Variants in CSMD1 observed in about 807,000 individuals in gnomAD.
CSMD1 encodes CUB and Sushi multiple domains 1.
A neutral mutation model predicts 417.5 loss-of-function variants in CSMD1; 213 were observed. The observed-to-expected ratio is 0.51, with a 90% CI of 0.46 to 0.57. The LOEUF is 0.57. CSMD1 is among the 20% of genes least tolerant of loss of function. CSMD1 has a pLI of 0.00. For synonymous variants in CSMD1, 2,862 were observed against 1,736.8 expected (o/e 1.65, Z -16.11); for missense variants, 6,923 against 4,529.7 (o/e 1.53, Z -15.17).
intron 66 of CSMD1, among the ~76,000 whole-genome samples, 158 bp downstream of exon 66, chr8:2,950,956 C>T (rs1047689174): frequency 4.6e-5 from 7 of 152,286 alleles, no homozygotes; most frequent in South Asian, 4.1e-4. Flanking sequence ...ATAATACCAA[C>T]CTCTCACGGC....
chr8:4,952,158 A>T (rs886952272), intron 1 of CSMD1, among the ~76,000 whole-genome samples: 4 of 151,984 alleles, frequency 2.6e-5, no homozygotes, highest in African/African-American at 9.7e-5. Context: ...TCTTAAAATT[A>T]TCACACACAC....
rs550871443 is a variant in CSMD1, at chr8:3,070,206, C to T, written c.7474+16891G>A. 3.3e-5 allele frequency among the ~76,000 whole-genome samples: 5 copies of T among 152,320 alleles called. 1 individual carries two copies. The South Asian group carries it at 1.0e-3, about 32-fold the overall frequency. Reference sequence around the variant, plus strand: ...CTCTGAAATACCTTCAAGGCCTTTTCCCCATTGTTTTGGAATATTAGCACT... The same window carrying T: ...CTCTGAAATACCTTCAAGGCCTTTTTCCCATTGTTTTGGAATATTAGCACT... On this transcript the variant is annotated intron_variant, in intron 49 of 69. Coordinates refer to ENST00000635120, the MANE Select transcript of CSMD1 (RefSeq NM_033225.6).
intron 23 of CSMD1, among the ~76,000 whole-genome samples, chr8:3,331,088 A>AT (rs1806862183): frequency 6.6e-6 from 1 of 152,050 alleles, no homozygotes; most frequent in Admixed American, 6.5e-5. Context: ...AATACAAAAA[A>AT]TTAGCCTGGC....
intron 4 of CSMD1, among the ~76,000 whole-genome samples, chr8:4,008,289 C>T (rs925215844): frequency 1.3e-5 from 2 of 151,978 alleles, no homozygotes; most frequent in South Asian, 2.1e-4. Flanking sequence ...ATTATTAAAA[C>T]AAATATAGTT....
intron 4 of CSMD1, among the ~76,000 whole-genome samples, chr8:4,022,541 G>A (rs1233005456): frequency 1.3e-5 from 2 of 152,200 alleles, no homozygotes; most frequent in African/African-American, 4.8e-5. Context: ...TGAGGCACAA[G>A]AAGGTGTCAT....
chr8:3,038,341 C>G (rs901093989), intron 50 of CSMD1, among the ~76,000 whole-genome samples: 1 of 152,182 alleles, frequency 6.6e-6, no homozygotes, highest in Non-Finnish European at 1.5e-5. Context: ...TAAAATGAGT[C>G]TAATCCAACC....
chr8:3,901,016 T>C (rs1157248775), intron 5 of CSMD1, among the ~76,000 whole-genome samples: 1 of 152,208 alleles, frequency 6.6e-6, no homozygotes, highest in East Asian at 1.9e-4. Context: ...AGTGTTATCA[T>C]TATTGACATT....
Position 3,367,137 on chromosome 8 carries a change from A to G in CSMD1, c.3010T>C (p.Leu1004=), listed in dbSNP as rs760269295. The G allele has an allele frequency of 8.1e-6, 13 of 1,613,786 alleles. No homozygotes were observed. The East Asian group carries it at 8.9e-5, about 11-fold the overall frequency. The change falls in exon 20 of 70, where the codon TTG becomes CTG. Residue 1004 remains leucine (L), a synonymous_variant. Coordinates refer to ENST00000635120, the MANE Select transcript of CSMD1 (RefSeq NM_033225.6). ...AGGCCTGCCTTGATCGTATGAGGCA[A>G]CACCGACCCGGTGAGCCTGGCAACG... ...EPVARLTGSV[L]PHTIKAGLFG...
intron 1 of CSMD1, among the ~76,000 whole-genome samples, chr8:4,890,722 C>T (rs932259131): frequency 6.6e-6 from 1 of 151,718 alleles, no homozygotes; most frequent in Non-Finnish European, 1.5e-5. Flanking sequence ...TAGGTCGCTG[C>T]AAAAGTAATT....
intron 50 of CSMD1, among the ~76,000 whole-genome samples, chr8:3,050,105 T>TA (rs11402129): frequency 0.27 from 38,539 of 140,388 alleles, 5,185 homozygotes; most frequent in East Asian, 0.44. Flanking sequence ...CTAGAGAACT[T>TA]AAAAAAAAAA....
intron 41 of CSMD1, among the ~76,000 whole-genome samples, chr8:3,120,479 C>A (rs749193470): frequency 6.6e-6 from 1 of 152,032 alleles, no homozygotes; most frequent in Non-Finnish European, 1.5e-5. Flanking sequence ...TTCCATAGAG[C>A]CATGAGGTTT....
At chr8:4,383,515 G>C (rs1051156738) in intron 3 of CSMD1, among the ~76,000 whole-genome samples, 1 of 152,108 alleles carries the variant, frequency 6.6e-6, no homozygotes, top group Admixed American at 6.5e-5. Context: ...ACACCAACAA[G>C]CCCTGGCTAT....
intron 10 of CSMD1, among the ~76,000 whole-genome samples, chr8:3,500,214 C>A (rs10107506): frequency 3.7e-4 from 56 of 152,196 alleles, no homozygotes; most frequent in Admixed American, 1.2e-3. Context: ...AGTGTTCTCC[C>A]CTAGACACTG....
chr8:3,425,525 T>C (rs1242266660), intron 12 of CSMD1, among the ~76,000 whole-genome samples: 1 of 148,228 alleles, frequency 6.7e-6, no homozygotes, highest in Non-Finnish European at 1.5e-5. Flanking sequence ...GAGGTGGAGG[T>C]TGCAGTGATC....
At chr8:3,812,441 G>A (rs549143999) in intron 5 of CSMD1, among the ~76,000 whole-genome samples, 1 of 152,246 alleles carries the variant, frequency 6.6e-6, no homozygotes, top group African/African-American at 2.4e-5. Flanking sequence ...TGCTCACAAT[G>A]ATGTGGCTAG....
At chr8:3,579,888 G>A (rs1010450097) in intron 9 of CSMD1, among the ~76,000 whole-genome samples, 8 of 152,312 alleles carry the variant, frequency 5.3e-5, no homozygotes, top group African/African-American at 1.9e-4. Context: ...TGGATTACCT[G>A]AGGTCAGGAG....
chr8:3,954,790 A>C (rs1010288133), intron 5 of CSMD1, among the ~76,000 whole-genome samples: 1 of 151,616 alleles, frequency 6.6e-6, no homozygotes, highest in Non-Finnish European at 1.5e-5. Context: ...AGTTACATGC[A>C]CGCAGAGCCT....
chr8:3,341,225 C>T (rs548123160), intron 23 of CSMD1, among the ~76,000 whole-genome samples: 1 of 152,038 alleles, frequency 6.6e-6, no homozygotes, highest in Non-Finnish European at 1.5e-5. Context: ...AACAAGCCGA[C>T]CACCTATAGT....
chr8:4,719,627 C>A (rs373142167), intron 1 of CSMD1, among the ~76,000 whole-genome samples: 60 of 151,954 alleles, frequency 3.9e-4, no homozygotes, highest in African/African-American at 1.4e-3. Flanking sequence ...AACTTGAATC[C>A]TTTTCCTATT....
Sources: allele counts gnomAD v4.1 joint callset (sites outside exome capture counted in the v4.1 genomes callset), GRCh38; gene constraint gnomAD v4.1.1; transcripts MANE v1.5; gene names NCBI Gene and HGNC (gene_info 2026-07-23, HGNC 2026-07-21).